AHI1: variants seen among roughly 807,000 people sequenced by gnomAD.
The protein encoded by AHI1 is Abelson helper integration site 1.
In AHI1, 123 loss-of-function variants were observed where a neutral mutation model predicts 149.3. The ratio of observed to expected loss-of-function variants is 0.82; its 90% CI spans 0.71 to 0.96. AHI1 has a LOEUF of 0.96. Ranked by LOEUF, AHI1 falls within the 40% of genes least tolerant of loss-of-function variation. The probability of loss-of-function intolerance (pLI) is 0.00; values close to 1 mark genes in which losing one functional copy is unlikely to be tolerated. For synonymous variants in AHI1, 475 were observed against 459.8 expected, an observed-to-expected ratio of 1.03 and a Z score of -0.42; for missense variants, 1,439 against 1,422.7, an observed-to-expected ratio of 1.01 and a Z score of -0.18.
chr6:135,453,460 T>A lies in AHI1; in HGVS notation c.1345-24A>T, dbSNP rs369570207. 7.4e-4 allele frequency: 1,080 copies of A among 1,450,926 alleles called. 4 individuals carry two copies. Among genetic ancestry groups the A allele is most frequent in the Middle Eastern group, 1.6e-3 (9 of 5,772 alleles). 89.9% of individuals were successfully genotyped at this position (1,450,926 alleles called of 1,614,324 possible). A position where few individuals can be genotyped will look rare whatever the true frequency, so the allele number is the denominator to read the frequency against. Reference sequence around the variant, plus strand: ...ATCTGCAAATAAATTCACAGAAGACTAAGCTACCTAAAATTTAATATTTTC... The same window carrying A: ...ATCTGCAAATAAATTCACAGAAGACAAAGCTACCTAAAATTTAATATTTTC... On this transcript the variant is annotated intron_variant, in intron 10 of 28. Coordinates refer to ENST00000265602, the MANE Select transcript of AHI1 (RefSeq NM_001134831.2).
intron 24 of AHI1, among the ~76,000 whole-genome samples, chr6:135,341,567 G>A (rs1464643273): frequency 6.6e-6 from 1 of 151,950 alleles, no homozygotes; most frequent in Non-Finnish European, 1.5e-5. Flanking sequence ...GAGACAATAT[G>A]TTAGGCCCCC....
chr6:135,404,595 A>G (rs546427290), intron 22 of AHI1, among the ~76,000 whole-genome samples: 37 of 152,366 alleles, frequency 2.4e-4, no homozygotes, highest in African/African-American at 8.9e-4. Flanking sequence ...ATGCTTATAC[A>G]GTTTACTCAG....
At chr6:135,440,166 C>A (rs576268383) in intron 14 of AHI1, among the ~76,000 whole-genome samples, 1 of 152,146 alleles carries the variant, frequency 6.6e-6, no homozygotes, top group Admixed American at 6.5e-5. Flanking sequence ...TCCCTAAAAG[C>A]CCCATCCCCA....
rs1796089128 is a variant in AHI1 at position 135,497,184 on chromosome 6, TCAC to T, written c.-140+1_-140+3del. ...GGCTCTTATAAATATAACAAATTGA[TCAC>T]CTTTTCTCAGACATAATTAAGAAGG... On this transcript the variant is annotated splice_donor_variant and splice_donor_region_variant and intron_variant, in intron 2 of 28. Coordinates refer to ENST00000265602, the MANE Select transcript of AHI1 (RefSeq NM_001134831.2). LOFTEE classifies it low-confidence loss of function (5UTR_SPLICE). 1 of 152,232 alleles carries T rather than the reference TCAC, an allele frequency of 6.6e-6. No individual in the cohort carries two copies. Among genetic ancestry groups the T allele is most frequent in the Non-Finnish European group, 1.5e-5 (1 of 68,048 alleles). The allele number at this position is 152,232 out of a possible 1,614,324, so 9.4% of individuals were successfully genotyped here.
intron 7 of AHI1, among the ~76,000 whole-genome samples, chr6:135,463,627 C>A (rs1479213682): frequency 6.6e-6 from 1 of 152,040 alleles, no homozygotes; most frequent in Non-Finnish European, 1.5e-5. Context: ...AGCATGCCCA[C>A]CCTGCTGCCA....
intron 27 of AHI1, among the ~76,000 whole-genome samples, chr6:135,299,261 G>A (rs1343247549): frequency 6.6e-6 from 1 of 152,144 alleles, no homozygotes; most frequent in Non-Finnish European, 1.5e-5. Flanking sequence ...ATGAAATACT[G>A]TCTTGTTAAA....
At position 135,329,745 on chromosome 6, in the gene AHI1, C is replaced by T. The variant is rs114099528; in HGVS notation, c.3166-6421G>A. ...TAGACAGTGATTCCTCTGATGAATA[C>T]GAGCAAGTAAGTTGAAAACCTTCTG... On this transcript the variant is annotated intron_variant, in intron 24 of 28. Transcript: ENST00000265602. Among the ~76,000 whole-genome samples the T allele has an allele frequency of 1.9e-3, 288 of 152,198 alleles. 1 individual carries two copies. Among genetic ancestry groups the T allele is most frequent in the African/African-American group, 6.7e-3 (277 of 41,526 alleles).
intron 24 of AHI1, among the ~76,000 whole-genome samples, chr6:135,354,036 T>C (rs1183070905): frequency 3.3e-5 from 5 of 152,130 alleles, no homozygotes; most frequent in Admixed American, 2.0e-4. Context: ...AAGCGTTTCA[T>C]AGTTGGTATA....
At chr6:135,324,645 G>C (rs1211064711) in intron 24 of AHI1, among the ~76,000 whole-genome samples, 1 of 151,804 alleles carries the variant, frequency 6.6e-6, no homozygotes, top group Non-Finnish European at 1.5e-5. Context: ...CATGTGGTGG[G>C]AACCCGGCAT....
intron 5 of AHI1, among the ~76,000 whole-genome samples, chr6:135,469,747 A>T (rs1791398141): frequency 6.6e-6 from 1 of 152,184 alleles, no homozygotes; most frequent in Non-Finnish European, 1.5e-5. Context: ...TGGTGCTGGG[A>T]AAACTGTCTA....
At chr6:135,321,385 G>A (rs889027019) in intron 25 of AHI1, among the ~76,000 whole-genome samples, 2 of 152,222 alleles carry the variant, frequency 1.3e-5, no homozygotes, top group South Asian at 4.1e-4. Flanking sequence ...TACAATTTTT[G>A]AGACACATAG....
Position 135,411,561 on chromosome 6 carries a change from A to ATAATTAG in AHI1, c.2765-24_2765-18dup. The stretch of plus-strand genomic sequence containing the variant: ...GCTGGGCAACTGAAGAAATGAATCC[A>ATAATTAG]TAATTAGTTAAATCATCATAGCAAA... On this transcript the variant is annotated splice_polypyrimidine_tract_variant and intron_variant, in intron 20 of 28. Transcript: ENST00000265602. The ATAATTAG allele has an allele frequency of 6.5e-7, 1 of 1,537,658 alleles. No homozygotes were observed. Among genetic ancestry groups the ATAATTAG allele is most frequent in the East Asian group, 2.3e-5 (1 of 43,952 alleles).
chr6:135,432,767 A>C (rs79181598), intron 16 of AHI1, among the ~76,000 whole-genome samples: 1 of 152,210 alleles, frequency 6.6e-6, no homozygotes, highest in Admixed American at 6.5e-5. Flanking sequence ...ACCAGTTCAA[A>C]GAAATATATT....
intron 23 of AHI1, among the ~76,000 whole-genome samples, chr6:135,380,260 C>T (rs551439261): frequency 6.6e-6 from 1 of 151,914 alleles, no homozygotes; most frequent in Non-Finnish European, 1.5e-5. Flanking sequence ...TGAAACTATT[C>T]AGAAAAGAAA....
At chr6:135,467,528 T>C in intron 6 of AHI1, 53 bp downstream of exon 6, 1 of 1,442,948 alleles carries the variant, frequency 6.9e-7, no homozygotes, top group Non-Finnish European at 9.7e-7. Context: ...CCTCAATTTG[T>C]TTTTAGTGAC....
chr6:135,401,859 G>C (rs1319939440), intron 22 of AHI1, among the ~76,000 whole-genome samples: 1 of 151,932 alleles, frequency 6.6e-6, no homozygotes, highest in Non-Finnish European at 1.5e-5. Flanking sequence ...AAACCTTTTT[G>C]TTTCAAAAGA....
intron 5 of AHI1, among the ~76,000 whole-genome samples, chr6:135,479,253 G>A (rs941285975): frequency 6.6e-6 from 1 of 152,196 alleles, no homozygotes; most frequent in Non-Finnish European, 1.5e-5. Flanking sequence ...CCTCAGAATT[G>A]TAGATCCAGA....
At chr6:135,492,388 C>G in intron 3 of AHI1, 97 bp from the exon 4 acceptor site, 1 of 1,378,866 alleles carries the variant, frequency 7.3e-7, no homozygotes, top group Non-Finnish European at 9.4e-7. Flanking sequence ...ATGTCCACTA[C>G]TTCATTAAGT....
chr6:135,301,233 T>A (rs1783843358), intron 26 of AHI1: 1 of 984,648 alleles, frequency 1.0e-6, no homozygotes, highest in Non-Finnish European at 1.2e-6. Context: ...CAATTTTTTT[T>A]AGAGATAATC....
Sources: allele counts gnomAD v4.1 joint callset (sites outside exome capture counted in the v4.1 genomes callset), GRCh38; gene constraint gnomAD v4.1.1; transcripts MANE v1.5; gene names NCBI Gene and HGNC (gene_info 2026-07-23, HGNC 2026-07-21).